Variants in ARHGAP21 observed in about 807,000 individuals in gnomAD.
ARHGAP21 encodes the protein Rho GTPase activating protein 21.
ARHGAP21 carries 38 observed loss-of-function variants against 164.6 expected under a neutral mutation model. The observed-to-expected ratio is 0.23, with a 90% CI of 0.18 to 0.30. The LOEUF (loss-of-function observed/expected upper bound fraction) is 0.30. ARHGAP21 is among the 10% of genes least tolerant of loss of function. The probability of loss-of-function intolerance (pLI) is 1.00; values close to 1 mark genes in which losing one functional copy is unlikely to be tolerated. For missense variants in ARHGAP21, 1,822 were observed against 2,370.7 expected, an observed-to-expected ratio of 0.77 and a Z score of 4.81; for synonymous variants, 766 against 857.9, an observed-to-expected ratio of 0.89 and a Z score of 1.87.
intron 2 of ARHGAP21, among the ~76,000 whole-genome samples, chr10:24,678,737 T>TTGAG (rs2131863976): frequency 6.6e-6 from 1 of 152,274 alleles, no homozygotes; most frequent in African/African-American, 2.4e-5. Flanking sequence ...CTCACTATGT[T>TTGAG]GCCCAGGCTG....
rs749095417 is a variant in ARHGAP21, at chr10:24,585,754, T to C, written c.4535A>G (p.Asn1512Ser). 10 of 1,613,760 alleles carry C rather than the reference T, an allele frequency of 6.2e-6. 1 individual carries two copies. Among genetic ancestry groups the C allele is most frequent in the South Asian group, 2.2e-5 (2 of 91,066 alleles). Reference protein sequence around the residue: ...EPSPPHNSKHNKSPTLSCRFA... With the variant: ...EPSPPHNSKHSKSPTLSCRFA... ...GCGACAGCTGAGAGTTGGTGACTTG[T>C]TGTGTTTTGAGTTGTGTGGTGGTGA... is the stretch of plus-strand genomic sequence containing the variant. The change falls in exon 26 of 26, where the codon AAC becomes AGC. Residue 1512 changes from asparagine to serine, a missense_variant. Asn to Ser is a conservative substitution (Grantham distance 46). This residue lies in a region of ARHGAP21 where 333 missense variants were observed against 383.9 expected (regional missense o/e 0.87). Transcript: ENST00000396432.
intron 2 of ARHGAP21, among the ~76,000 whole-genome samples, chr10:24,695,261 T>A (rs1843079542): frequency 6.6e-6 from 1 of 152,076 alleles, no homozygotes; most frequent in African/African-American, 2.4e-5. Context: ...GCGATTTACT[T>A]CTAATAAATA....
intron 14 of ARHGAP21, among the ~76,000 whole-genome samples, chr10:24,599,040 C>T (rs947431975): frequency 2.0e-5 from 3 of 152,124 alleles, no homozygotes; most frequent in African/African-American, 7.2e-5. Context: ...TTATTGTTTT[C>T]TCATCTATAA....
At chr10:24,641,161 T>A (rs945873140) in intron 4 of ARHGAP21, among the ~76,000 whole-genome samples, 3 of 152,336 alleles carry the variant, frequency 2.0e-5, no homozygotes, top group African/African-American at 7.2e-5. Context: ...TTTACTGGTA[T>A]CTTAAGAGTC....
At chr10:24,703,967 GTCA>G (rs1344211008) in intron 2 of ARHGAP21, among the ~76,000 whole-genome samples, 1 of 152,174 alleles carries the variant, frequency 6.6e-6, no homozygotes, top group Non-Finnish European at 1.5e-5. Context: ...CCTTGAATTA[GTCA>G]TCAACATTTA....
At chr10:24,596,414 C>T (rs529843227) in intron 17 of ARHGAP21, 3 of 485,234 alleles carry the variant, frequency 6.2e-6, no homozygotes, top group South Asian at 4.0e-5. Context: ...TATGCACATA[C>T]ATTTACATGT....
At chr10:24,595,644 A>G (rs1317281382) in intron 19 of ARHGAP21, 73 bp downstream of exon 19, 4 of 1,465,652 alleles carry the variant, frequency 2.7e-6, no homozygotes, top group East Asian at 4.5e-5. Flanking sequence ...TCCTTGTTCA[A>G]TTTAATATTC....
chr10:24,650,029 G>A (rs1412244307), intron 4 of ARHGAP21, among the ~76,000 whole-genome samples: 1 of 151,886 alleles, frequency 6.6e-6, no homozygotes, highest in Non-Finnish European at 1.5e-5. Context: ...AGACCAGAAA[G>A]ACAAAAAAGA....
At chr10:24,618,306 G>A (rs185628073) in intron 9 of ARHGAP21, among the ~76,000 whole-genome samples, 1 of 152,074 alleles carries the variant, frequency 6.6e-6, no homozygotes, top group Admixed American at 6.6e-5. Context: ...CTAGGCATTA[G>A]GGACACAAAA....
At chr10:24,654,943 C>G (rs1290149536) in intron 4 of ARHGAP21, among the ~76,000 whole-genome samples, 1 of 152,172 alleles carries the variant, frequency 6.6e-6, no homozygotes, top group Non-Finnish European at 1.5e-5. Context: ...TGGAACAGAA[C>G]AGAGGCCTCA....
intron 2 of ARHGAP21, among the ~76,000 whole-genome samples, chr10:24,712,328 C>G (rs1280569263): frequency 6.6e-6 from 1 of 152,192 alleles, no homozygotes; most frequent in East Asian, 1.9e-4. Flanking sequence ...CAGGCAGAGA[C>G]TGGACCTATG....
At chr10:24,626,643 A>G (rs1304042523) in intron 7 of ARHGAP21, among the ~76,000 whole-genome samples, 1 of 152,206 alleles carries the variant, frequency 6.6e-6, no homozygotes, top group Non-Finnish European at 1.5e-5. Context: ...CAAATAGACT[A>G]AGAGAGTCAG....
intron 9 of ARHGAP21, among the ~76,000 whole-genome samples, chr10:24,611,932 C>A (rs561942838): frequency 1.3e-5 from 2 of 152,082 alleles, no homozygotes; most frequent in Non-Finnish European, 2.9e-5. Context: ...GCATTTCTAG[C>A]ACCCTGACAA....
chr10:24,618,886 T>C (rs1421551576), intron 9 of ARHGAP21, among the ~76,000 whole-genome samples: 1 of 152,078 alleles, frequency 6.6e-6, no homozygotes, highest in Non-Finnish European at 1.5e-5. Flanking sequence ...CTGGCTGCTG[T>C]ATGGAGAACA....
intron 2 of ARHGAP21, among the ~76,000 whole-genome samples, chr10:24,719,098 T>TACACACAC (rs57863565): frequency 0.1 from 15,162 of 147,464 alleles, 809 homozygotes; most frequent in African/African-American, 0.12. Flanking sequence ...CTTCACGGAC[T>TACACACAC]ACACACACAC....
At chr10:24,711,049 G>A (rs1167412048) in intron 2 of ARHGAP21, among the ~76,000 whole-genome samples, 8 of 141,170 alleles carry the variant, frequency 5.7e-5, no homozygotes, top group East Asian at 2.1e-4. Flanking sequence ...ATCCAAGATC[G>A]CGCCACTGCA....
chr10:24,642,254 G>A (rs372725533), intron 4 of ARHGAP21, among the ~76,000 whole-genome samples: 1 of 152,022 alleles, frequency 6.6e-6, no homozygotes, highest in South Asian at 2.1e-4. Flanking sequence ...AGGGGCTCAC[G>A]CCTGTAATCC....
intron 9 of ARHGAP21, among the ~76,000 whole-genome samples, chr10:24,617,604 C>T (rs952817545): frequency 6.6e-6 from 1 of 151,308 alleles, no homozygotes; most frequent in African/African-American, 2.4e-5. Context: ...TGAATATATC[C>T]GATTTATAAA....
At chr10:24,667,419 A>G (rs955073785) in intron 3 of ARHGAP21, among the ~76,000 whole-genome samples, 2 of 151,934 alleles carry the variant, frequency 1.3e-5, no homozygotes, top group African/African-American at 4.9e-5. Flanking sequence ...TACTATACTT[A>G]AATGTGCCTT....
Sources: gnomAD v4.1 joint callset for allele counts (sites outside exome capture counted in the v4.1 genomes callset) on GRCh38, gnomAD v4.1.1 for gene constraint, gnomAD v4.1.1 regional missense constraint, MANE v1.5 for transcripts, NCBI Gene and HGNC (gene_info 2026-07-23, HGNC 2026-07-21) for gene names.